COL13A1: variants seen among roughly 807,000 people sequenced by gnomAD.
COL13A1 encodes the protein collagen type XIII alpha 1 chain.
Under a neutral mutation model 130.9 loss-of-function variants are expected in COL13A1, and 89 were observed. The ratio of observed to expected loss-of-function variants is 0.68; its 90% CI spans 0.57 to 0.81. The LOEUF (loss-of-function observed/expected upper bound fraction) is 0.81, where lower values mean the gene tolerates loss of function less well. COL13A1 is among the 30% of genes least tolerant of loss of function. COL13A1 has a pLI of 0.00. For missense variants in COL13A1, 879 were observed against 934.6 expected (o/e 0.94, Z 0.78); for synonymous variants, 402 against 341.6 (o/e 1.18, Z -1.95).
Position 69,802,449 on chromosome 10 carries a change from C to G in COL13A1, c.26C>G (p.Ala9Gly). The G allele has an allele frequency of 1.3e-6, 2 of 1,503,222 alleles. No individual in the cohort carries two copies. Among genetic ancestry groups the G allele is most frequent in the Non-Finnish European group, 1.8e-6 (2 of 1,131,582 alleles). 93.1% of individuals were successfully genotyped at this position (1,503,222 alleles called of 1,614,324 possible). Residue 9 changes from alanine to glycine, a missense_variant, in exon 1 of 41, where the codon GCG (alanine) becomes GGG (glycine). Around this residue, in one of 3 missense-constraint regions of COL13A1, gnomAD observed 715 missense variants for 721.0 expected, o/e 0.99. Transcript: ENST00000645393. The part of the protein sequence containing the change: MVAERTHK[A>G]AATGARGPGE... ...ATGGTAGCGGAGCGCACCCACAAAGCGGCAGCCACCGGTGCCCGCGGCCCT... is the reference window on the plus strand; with the variant it reads ...ATGGTAGCGGAGCGCACCCACAAAGGGGCAGCCACCGGTGCCCGCGGCCCT...
At chr10:69,937,743 G>A (rs1171326949) in intron 34 of COL13A1, 28 bp downstream of exon 34, 2 of 1,112,108 alleles carry the variant, frequency 1.8e-6, no homozygotes, top group African/African-American at 3.1e-5. Context: ...AGCAAGACTG[G>A]TGGGTTTGAT....
chr10:69,876,707 G>A (rs546839568), intron 5 of COL13A1, among the ~76,000 whole-genome samples: 68 of 152,314 alleles, frequency 4.5e-4, no homozygotes, highest in Admixed American at 1.0e-3. Context: ...GTGGACCTGA[G>A]CCAGTCACCT....
At chr10:69,939,369 A>G (rs752625398) in intron 34 of COL13A1, among the ~76,000 whole-genome samples, 1 of 152,234 alleles carries the variant, frequency 6.6e-6, no homozygotes, top group Non-Finnish European at 1.5e-5. Context: ...ATTTTCTAAT[A>G]TTAGATCAAA....
chr10:69,889,613 G>C (rs150605749), intron 10 of COL13A1, among the ~76,000 whole-genome samples, 173 bp downstream of exon 10: 386 of 152,330 alleles, frequency 2.5e-3, no homozygotes, highest in African/African-American at 8.8e-3. Flanking sequence ...CAATATGCAG[G>C]GAGGAGAAAT....
intron 17 of COL13A1, among the ~76,000 whole-genome samples, chr10:69,909,414 C>T (rs1440668107): frequency 6.6e-6 from 1 of 152,230 alleles, no homozygotes; most frequent in Non-Finnish European, 1.5e-5. Context: ...CTGGAAGGTT[C>T]CCATTGCTTC....
intron 38 of COL13A1, among the ~76,000 whole-genome samples, chr10:69,948,359 C>G (rs751137555): frequency 6.6e-6 from 1 of 152,186 alleles, no homozygotes; most frequent in South Asian, 2.1e-4. Context: ...AACTCAAGAT[C>G]TATTTACTGA....
chr10:69,874,446 G>A (rs2059385371), intron 4 of COL13A1, among the ~76,000 whole-genome samples: 1 of 152,216 alleles, frequency 6.6e-6, no homozygotes, highest in Non-Finnish European at 1.5e-5. Context: ...CCAAAAGGGG[G>A]AGGAACAAAA....
chr10:69,894,637 C>CT (rs1248792925), intron 11 of COL13A1, 38 bp from the exon 12 acceptor site: 5 of 1,613,890 alleles, frequency 3.1e-6, no homozygotes, highest in Non-Finnish European at 4.2e-6. Context: ...GTGACCTTAG[C>CT]TTTGGTTTCT....
At chr10:69,843,748 G>A (rs973976081) in intron 2 of COL13A1, among the ~76,000 whole-genome samples, 69 of 152,284 alleles carry the variant, frequency 4.5e-4, no homozygotes, top group African/African-American at 1.6e-3. Flanking sequence ...TTGCCATGAC[G>A]GTGATGGTGG....
chr10:69,806,395 G>A (rs1186958213), intron 1 of COL13A1, among the ~76,000 whole-genome samples: 1 of 152,224 alleles, frequency 6.6e-6, no homozygotes, highest in Non-Finnish European at 1.5e-5. Context: ...CAGGAGGACA[G>A]GAGGCCTGAG....
chr10:69,957,858 T>C (rs373079191), intron 40 of COL13A1, among the ~76,000 whole-genome samples: 1 of 152,046 alleles, frequency 6.6e-6, no homozygotes, highest in Non-Finnish European at 1.5e-5. Flanking sequence ...CCACCACCAT[T>C]GTCTCAAGGT....
At chr10:69,826,926 G>T (rs1847641819) in intron 2 of COL13A1, among the ~76,000 whole-genome samples, 2 of 152,106 alleles carry the variant, frequency 1.3e-5, no homozygotes, top group South Asian at 4.1e-4. Context: ...AGCAAAACTT[G>T]AAAAAAGAGA....
intron 2 of COL13A1, among the ~76,000 whole-genome samples, chr10:69,845,754 G>A (rs1378617244): frequency 6.6e-6 from 1 of 151,700 alleles, no homozygotes; most frequent in Non-Finnish European, 1.5e-5. Flanking sequence ...GACCTCACCT[G>A]CAGCAGAATC....
chr10:69,958,540 C>T (rs547816562), intron 40 of COL13A1, among the ~76,000 whole-genome samples, 159 bp from the exon 41 acceptor site: 46 of 152,312 alleles, frequency 3.0e-4, no homozygotes, highest in African/African-American at 1.0e-3. Context: ...CTAAGGTCGC[C>T]ACCAGTTTCT....
chr10:69,826,788 G>T (rs1847605828), intron 2 of COL13A1, among the ~76,000 whole-genome samples: 1 of 152,150 alleles, frequency 6.6e-6, no homozygotes, highest in Non-Finnish European at 1.5e-5. Context: ...AGCAGGCCAG[G>T]GCTGGGAGCT....
intron 16 of COL13A1, 56 bp from the exon 17 acceptor site, chr10:69,905,731 A>G (rs2062682795): frequency 3.8e-6 from 6 of 1,591,910 alleles, no homozygotes; most frequent in Non-Finnish European, 5.2e-6. Flanking sequence ...GAACAGCACA[A>G]GTCAAAGTTT....
intron 2 of COL13A1, among the ~76,000 whole-genome samples, chr10:69,825,463 ATGAG>A (rs796276155): frequency 3.2e-4 from 49 of 152,326 alleles, no homozygotes; most frequent in African/African-American, 9.6e-4. Flanking sequence ...TGTTCAATAA[ATGAG>A]TATCAGTAGT....
chr10:69,895,713 T>C (rs1028907830), intron 13 of COL13A1, 137 bp downstream of exon 13: 1 of 926,770 alleles, frequency 1.1e-6, no homozygotes, highest in Non-Finnish European at 1.7e-6. Flanking sequence ...CCCTCTGCAC[T>C]CAGCAGTCAG....
chr10:69,859,798 T>G (rs887241349), intron 2 of COL13A1, among the ~76,000 whole-genome samples: 1 of 152,236 alleles, frequency 6.6e-6, no homozygotes, highest in Admixed American at 6.5e-5. Flanking sequence ...GACTGGAGTT[T>G]GGGAATTCTG....
Sources: allele counts gnomAD v4.1 joint callset (sites outside exome capture counted in the v4.1 genomes callset), GRCh38; gene constraint gnomAD v4.1.1; regional missense constraint gnomAD v4.1.1; transcripts MANE v1.5; gene names NCBI Gene and HGNC (gene_info 2026-07-23, HGNC 2026-07-21).